Variants in HHAT observed in about 807,000 individuals in gnomAD.
The protein encoded by HHAT is protein-cysteine N-palmitoyltransferase HHAT.
In HHAT, 47 loss-of-function variants were observed where a neutral mutation model predicts 70.8. The ratio of observed to expected loss-of-function variants is 0.66; its 90% CI spans 0.53 to 0.85. The LOEUF is 0.85. HHAT is among the 40% of genes least tolerant of loss of function. HHAT has a pLI of 0.00. For missense variants in HHAT, 609 were observed against 604.8 expected (o/e 1.01, Z -0.07); for synonymous variants, 228 against 247.6 (o/e 0.92, Z 0.74).
intron 11 of HHAT, among the ~76,000 whole-genome samples, chr1:210,639,255 C>G (rs1336007189): frequency 6.6e-6 from 1 of 152,096 alleles, no homozygotes; most frequent in Non-Finnish European, 1.5e-5. Flanking sequence ...TCCTCCCTCA[C>G]TCTGTCAATC....
At chr1:210,554,613 A>G (rs2095556489) in intron 9 of HHAT, among the ~76,000 whole-genome samples, 1 of 152,040 alleles carries the variant, frequency 6.6e-6, no homozygotes, top group African/African-American at 2.4e-5. Flanking sequence ...GGAGGCGGGG[A>G]GGTTTCAGCT....
chr1:210,578,289 G>A (rs1658373889), intron 9 of HHAT, among the ~76,000 whole-genome samples: 2 of 152,040 alleles, frequency 1.3e-5, no homozygotes, highest in Admixed American at 6.6e-5. Context: ...ATCACAATGA[G>A]ATATCACTTC....
At chr1:210,335,332 C>A (rs563129918) in intron 1 of HHAT, among the ~76,000 whole-genome samples, 38 of 128,310 alleles carry the variant, frequency 3.0e-4, no homozygotes, top group East Asian at 2.9e-3. Context: ...AAAAAAAAAG[C>A]CTCTTTGCAA....
In HHAT at chr1:210,560,094, G is replaced by C. The variant is rs1573323556; in HGVS notation, c.1044-27804G>C. On this transcript the variant is annotated intron_variant, in intron 9 of 11. Coordinates refer to ENST00000261458, the MANE Select transcript of HHAT (RefSeq NM_018194.6). ...GTTTTCCTGTGTGCTCCTTTCCCAC[G>C]AACTCTTAGGATCAAATGAAAACCC... Among the ~76,000 whole-genome samples, 3 of 152,086 alleles carry C rather than the reference G, an allele frequency of 2.0e-5. No homozygotes were observed. The South Asian group carries it at 6.2e-4, about 31-fold the overall frequency.
chr1:210,498,040 C>T (rs2094684335), intron 8 of HHAT, among the ~76,000 whole-genome samples: 1 of 152,160 alleles, frequency 6.6e-6, no homozygotes, highest in African/African-American at 2.4e-5. Flanking sequence ...CAGGCATGAG[C>T]CACCGAGCCC....
At position 210,532,667 on chromosome 1, in the gene HHAT, G is replaced by A. The variant is rs149616476; in HGVS notation, c.1043+19479G>A. Among the ~76,000 whole-genome samples the A allele has an allele frequency of 9.0e-3, 1,367 of 152,124 alleles. 13 individuals are homozygous for A. Among genetic ancestry groups the A allele is most frequent in the Middle Eastern group, 0.02 (6 of 294 alleles). Reference sequence around the variant, plus strand: ...AGATACTGGATTTTATGTTTCCGTCGGCACCATGTGCAGAGCTCCTACCAT... The same window carrying A: ...AGATACTGGATTTTATGTTTCCGTCAGCACCATGTGCAGAGCTCCTACCAT... On this transcript the variant is annotated intron_variant, in intron 9 of 11. Coordinates refer to ENST00000261458, the MANE Select transcript of HHAT (RefSeq NM_018194.6).
rs374226290 is a variant in HHAT at position 210,389,960 on chromosome 1, A to G, written c.273+2379A>G. On this transcript the variant is annotated intron_variant, in intron 4 of 11. Transcript: ENST00000261458. ...TTGTCCTCTGTAAAATAGGATCAATAAGATAGTATTAGTTTTTTTTCTCCC... is the reference window on the plus strand; with the variant it reads ...TTGTCCTCTGTAAAATAGGATCAATGAGATAGTATTAGTTTTTTTTCTCCC... Among the ~76,000 whole-genome samples, 6 of 152,352 alleles carry G rather than the reference A, an allele frequency of 3.9e-5. No individual in the cohort carries two copies. In the South Asian group the frequency reaches 6.2e-4, roughly 16 times the overall value.
At chr1:210,438,231 C>T (rs973089349) in intron 7 of HHAT, among the ~76,000 whole-genome samples, 5 of 151,610 alleles carry the variant, frequency 3.3e-5, no homozygotes, top group African/African-American at 1.2e-4. Flanking sequence ...TAATGGAATG[C>T]TTCCTGATAT....
intron 7 of HHAT, among the ~76,000 whole-genome samples, chr1:210,456,891 C>G (rs746568816): frequency 2.6e-5 from 4 of 152,164 alleles, no homozygotes; most frequent in Admixed American, 1.3e-4. Context: ...ACCTCTCCCC[C>G]ACACGCTGCT....
At chr1:210,400,697 G>GA in intron 5 of HHAT, 35 bp downstream of exon 5, 1 of 1,585,920 alleles carries the variant, frequency 6.3e-7, no homozygotes, top group Non-Finnish European at 8.6e-7. Flanking sequence ...GGAATCCAGA[G>GA]AAGGCCCCTT....
chr1:210,483,649 A>C (rs1013840464), intron 8 of HHAT, among the ~76,000 whole-genome samples: 1 of 152,198 alleles, frequency 6.6e-6, no homozygotes, highest in Non-Finnish European at 1.5e-5. Flanking sequence ...GGAAGAAGTG[A>C]TATAATTTAT....
intron 9 of HHAT, among the ~76,000 whole-genome samples, chr1:210,569,277 G>A (rs1655559700): frequency 6.7e-6 from 1 of 150,190 alleles, no homozygotes; most frequent in Admixed American, 6.7e-5. Flanking sequence ...GGGAGGCTGA[G>A]GCAGGAGAAT....
chr1:210,510,557 G>T (rs1369568996), intron 8 of HHAT, among the ~76,000 whole-genome samples: 1 of 152,182 alleles, frequency 6.6e-6, no homozygotes, highest in African/African-American at 2.4e-5. Flanking sequence ...GAAGTGGGAA[G>T]ACATCAGCTT....
At chr1:210,654,630 A>G (rs1157264297) in intron 11 of HHAT, among the ~76,000 whole-genome samples, 2 of 152,214 alleles carry the variant, frequency 1.3e-5, no homozygotes, top group East Asian at 3.8e-4. Flanking sequence ...TGTATATAGT[A>G]GGAGCTCAAT....
chr1:210,504,711 T>G (rs1382541103), intron 8 of HHAT, among the ~76,000 whole-genome samples: 1 of 152,148 alleles, frequency 6.6e-6, no homozygotes, highest in African/African-American at 2.4e-5. Flanking sequence ...GCATGTCATG[T>G]GGTAACTCAG....
At chr1:210,404,406 G>A in intron 5 of HHAT, 58 bp from the exon 6 acceptor site, 1 of 1,356,066 alleles carries the variant, frequency 7.4e-7, no homozygotes, top group Non-Finnish European at 1.0e-6. Context: ...CCTGCAGTGG[G>A]ACTGGACGAT....
chr1:210,517,669 A>G (rs1422970542), intron 9 of HHAT, among the ~76,000 whole-genome samples: 1 of 152,188 alleles, frequency 6.6e-6, no homozygotes, highest in African/African-American at 2.4e-5. Context: ...TTTCTTGAAA[A>G]TTGCTAAGAC....
intron 9 of HHAT, among the ~76,000 whole-genome samples, chr1:210,562,381 A>C (rs988771656): frequency 3.2e-5 from 4 of 124,662 alleles, no homozygotes; most frequent in Non-Finnish European, 6.4e-5. Context: ...TTTCAATCCA[A>C]TCACCAAGGG....
At chr1:210,517,787 G>A (rs1213965109) in intron 9 of HHAT, among the ~76,000 whole-genome samples, 1 of 152,106 alleles carries the variant, frequency 6.6e-6, no homozygotes, top group African/African-American at 2.4e-5. Flanking sequence ...TTCAAAACAT[G>A]TTGTACACCA....
Sources: gnomAD v4.1 joint callset for allele counts (sites outside exome capture counted in the v4.1 genomes callset) on GRCh38, gnomAD v4.1.1 for gene constraint, MANE v1.5 for transcripts, NCBI Gene and HGNC (gene_info 2026-07-23, HGNC 2026-07-21) for gene names.